The following APOOL variants were observed in gnomAD, a reference collection of about 807,000 sequenced individuals.
APOOL encodes MICOS complex subunit MIC27.
Under a neutral mutation model 23.1 loss-of-function variants are expected in APOOL, and 12 were observed. The observed-to-expected ratio is 0.52, with a 90% CI of 0.33 to 0.84. The LOEUF is 0.84. APOOL is among the 40% of genes least tolerant of loss of function. APOOL has a pLI of 0.02. For synonymous variants in APOOL, 77 were observed against 69.9 expected, an observed-to-expected ratio of 1.10 and a Z score of -0.51; for missense variants, 212 against 199.6, an observed-to-expected ratio of 1.06 and a Z score of -0.37.
intron 1 of APOOL, among the ~76,000 whole-genome samples, chrX:85,041,150 G>A (rs1201657912): frequency 2.7e-5 from 3 of 112,086 alleles, no homozygotes; most frequent in African/African-American, 9.7e-5. Context: ...GCCAGCCCAA[G>A]TGCTCAGGTT....
At chrX:85,025,769 C>T (rs1921821362) in intron 1 of APOOL, among the ~76,000 whole-genome samples, 1 of 112,855 alleles carries the variant, frequency 8.9e-6, no homozygotes, top group African/African-American at 3.2e-5. Flanking sequence ...TGGGCAGCTC[C>T]ACCCCTGTGT....
At chrX:85,074,507 A>G in intron 8 of APOOL, 116 bp downstream of exon 8, 2 of 876,614 alleles carry the variant, frequency 2.3e-6, no homozygotes, top group Non-Finnish European at 3.2e-6. Context: ...TGTCTTTCTC[A>G]TATCTGTGGT....
At chrX:85,054,584 A>C (rs1922897624) in intron 4 of APOOL, among the ~76,000 whole-genome samples, 186 bp downstream of exon 4, 1 of 111,131 alleles carries the variant, frequency 9.0e-6, no homozygotes, top group African/African-American at 3.3e-5. Flanking sequence ...CAAAGCAGTA[A>C]TATTCATTAT....
intron 1 of APOOL, among the ~76,000 whole-genome samples, chrX:85,008,705 G>A (rs771612591): frequency 3.8e-4 from 42 of 111,001 alleles, no homozygotes; most frequent in Middle Eastern, 9.3e-3. Context: ...TGCAATTGCT[G>A]ATTTCATTTG....
At chrX:85,016,981 C>G (rs1467797827) in intron 1 of APOOL, among the ~76,000 whole-genome samples, 1 of 112,279 alleles carries the variant, frequency 8.9e-6, no homozygotes, top group Non-Finnish European at 1.9e-5. Flanking sequence ...GCTGTGGTAG[C>G]AGTAGTGGGA....
chrX:85,006,163 A>C (rs991404905), intron 1 of APOOL, among the ~76,000 whole-genome samples: 3 of 112,074 alleles, frequency 2.7e-5, no homozygotes. Context: ...TGAGCTAAAG[A>C]GATAAATAGA....
intron 6 of APOOL, 117 bp downstream of exon 6, chrX:85,067,335 C>T (rs1225130669): frequency 2.1e-6 from 1 of 472,382 alleles, no homozygotes. Flanking sequence ...TAGTTGGTAT[C>T]AACTCTTATG....
At chrX:85,027,262 G>A (rs114528189) in intron 1 of APOOL, among the ~76,000 whole-genome samples, 2,915 of 110,843 alleles carry the variant, frequency 0.026, 113 homozygotes, top group African/African-American at 0.091. Flanking sequence ...AAGATTTCAC[G>A]AACTCACTGT....
At chrX:85,035,731 G>T (rs1049999867) in intron 1 of APOOL, among the ~76,000 whole-genome samples, 1 of 111,305 alleles carries the variant, frequency 9.0e-6, no homozygotes, top group Non-Finnish European at 1.9e-5. Flanking sequence ...ACTTGTTTTT[G>T]TTGAGTTTGT....
chrX:85,049,889 G>A (rs1226974100), intron 2 of APOOL, among the ~76,000 whole-genome samples: 3 of 111,809 alleles, frequency 2.7e-5, no homozygotes, highest in Non-Finnish European at 5.6e-5. Flanking sequence ...GAATTGGGAT[G>A]TGTAAATAAT....
chrX:85,033,411 A>G (rs1922109916), intron 1 of APOOL, among the ~76,000 whole-genome samples: 1 of 112,163 alleles, frequency 8.9e-6, no homozygotes, highest in African/African-American at 3.2e-5. Flanking sequence ...TTTTCAAGAA[A>G]ACACCAGATG....
intron 2 of APOOL, among the ~76,000 whole-genome samples, chrX:85,048,394 T>C (rs1922651080): frequency 1.8e-5 from 2 of 111,746 alleles, no homozygotes; most frequent in African/African-American, 3.2e-5. Flanking sequence ...AAATCCCTAA[T>C]GGCTGAATTT....
intron 1 of APOOL, among the ~76,000 whole-genome samples, chrX:85,006,067 G>T (rs2147468517): frequency 1.8e-5 from 2 of 112,199 alleles, no homozygotes; most frequent in South Asian, 7.5e-4. Context: ...ACAACTTTAT[G>T]TGGTGGGTAT....
In APOOL at chrX:85,030,304, A is replaced by G. The variant is rs781543024; in HGVS notation, c.16-16142A>G. Among the ~76,000 whole-genome samples, 5 of 110,885 alleles carry G rather than the reference A, an allele frequency of 4.5e-5. No individual in the cohort carries two copies. The East Asian group carries it at 1.4e-3, about 32-fold the overall frequency. ...CTCACTTATAAGTAGGAGCTAAGCT[A>G]TGAGTACACAGAGGCATGCAGAGTG... On this transcript the variant is annotated intron_variant, in intron 1 of 8. Coordinates refer to ENST00000373173, the MANE Select transcript of APOOL (RefSeq NM_198450.6).
chrX:85,004,031 A>C, intron 1 of APOOL, 104 bp downstream of exon 1: 1 of 1,021,677 alleles, frequency 9.8e-7, no homozygotes, highest in Non-Finnish European at 1.4e-6. Context: ...AACAAGGGGC[A>C]GGGTGGAGGT....
intron 6 of APOOL, among the ~76,000 whole-genome samples, chrX:85,068,387 ATTC>A (rs1349265881): frequency 2.0e-5 from 2 of 100,345 alleles, no homozygotes; most frequent in Admixed American, 1.1e-4. Flanking sequence ...GCTTCCACTG[ATTC>A]TTCTTCTTTT....
intron 1 of APOOL, among the ~76,000 whole-genome samples, chrX:85,020,636 G>A (rs1921630765): frequency 9.0e-6 from 1 of 111,299 alleles, no homozygotes; most frequent in African/African-American, 3.3e-5. Flanking sequence ...GGACCCTCAG[G>A]TTCTGGACTG....
At chrX:85,083,601 T>C (rs5922145) in intron 8 of APOOL, among the ~76,000 whole-genome samples, 1 of 110,257 alleles carries the variant, frequency 9.1e-6, no homozygotes, top group East Asian at 2.9e-4. Flanking sequence ...AGAAAGTACT[T>C]TATAGTGACT....
chrX:85,038,816 G>C (rs1006071571), intron 1 of APOOL, among the ~76,000 whole-genome samples: 2 of 109,101 alleles, frequency 1.8e-5, no homozygotes, highest in Non-Finnish European at 3.8e-5. Context: ...TATTAGTCTA[G>C]CTAGTTGTCT....
Sources: allele counts gnomAD v4.1 joint callset (sites outside exome capture counted in the v4.1 genomes callset), GRCh38; gene constraint gnomAD v4.1.1; transcripts MANE v1.5; gene names NCBI Gene and HGNC (gene_info 2026-07-23, HGNC 2026-07-21).